Variants in KLRK1 observed in about 807,000 individuals in gnomAD.
KLRK1 encodes the protein NKG2-D type II integral membrane protein.
Under a neutral mutation model 31.3 loss-of-function variants are expected in KLRK1, and 40 were observed. The ratio of observed to expected loss-of-function variants is 1.28; its 90% CI spans 0.99 to 1.67. The LOEUF (loss-of-function observed/expected upper bound fraction) is 1.67. Among genes scored for constraint, KLRK1 ranks in the 40% most tolerant of loss-of-function variants. KLRK1 has a pLI of 0.00. For synonymous variants in KLRK1, 77 were observed against 77.3 expected (o/e 1.00, Z 0.02); for missense variants, 251 against 260.0 (o/e 0.97, Z 0.24).
In KLRK1 at chr12:10,373,229, A is replaced by G; in HGVS notation, c.536T>C (p.Leu179Pro). The G allele has an allele frequency of 6.4e-7, 1 of 1,574,154 alleles. No individual in the cohort carries two copies. Among genetic ancestry groups the G allele is most frequent in the Non-Finnish European group, 8.6e-7 (1 of 1,167,554 alleles). The change falls in exon 8 of 8, where the codon CTA (leucine) becomes CCA (proline). Residue 179 changes from leucine to proline, a missense_variant and splice_region_variant. Leu to Pro is a moderately conservative substitution (Grantham distance 98). Transcript: ENST00000240618. ...TCCCTTCTGCATTTCAATTATTGTT[A>G]GTCTAGAGGAGAGACAATTACAAAT... ...EDGSILSPNL[L>P]TIIEMQKGDC...
At chr12:10,385,944 A>G (rs771576125) in intron 3 of KLRK1, among the ~76,000 whole-genome samples, 4 of 151,696 alleles carry the variant, frequency 2.6e-5, no homozygotes, top group Non-Finnish European at 5.9e-5. Context: ...CATATTAAAA[A>G]TACATTTTAA....
intron 7 of KLRK1, among the ~76,000 whole-genome samples, chr12:10,377,603 TTGAC>T (rs1333782796): frequency 6.6e-6 from 1 of 152,088 alleles, no homozygotes; most frequent in Admixed American, 6.5e-5. Context: ...AGAAAACTGA[TTGAC>T]TGGAAAGAGA....
chr12:10,373,131 T>C lies in KLRK1; in HGVS notation c.634A>G (p.Met212Val). The C allele has an allele frequency of 6.2e-7, 1 of 1,612,700 alleles. No homozygotes were observed. The highest frequency in any genetic ancestry group is 8.5e-7 in the Non-Finnish European group (1 of 1,179,474). Residue 212 changes from methionine to valine, a missense_variant, in exon 8 of 8, where the codon ATG (methionine) becomes GTG (valine). Transcript: ENST00000240618. Reference sequence around the variant, plus strand: ...GATCATCTTTACACAGTCCTTTGCATGCAGATGTACGTATTTGGAGTTGAA... The same window carrying C: ...GATCATCTTTACACAGTCCTTTGCACGCAGATGTACGTATTTGGAGTTGAA... The part of the protein sequence containing the change: ...NCSTPNTYIC[M>V]QRTV
At chr12:10,385,985 ATTTT>A (rs5796391) in intron 3 of KLRK1, among the ~76,000 whole-genome samples, 1 of 146,896 alleles carries the variant, frequency 6.8e-6, no homozygotes, top group Non-Finnish European at 1.5e-5. Context: ...TATCCTATGA[ATTTT>A]TTTTTTTTTT....
At chr12:10,380,056 ATTGTTT>A (rs1863042229) in intron 3 of KLRK1, among the ~76,000 whole-genome samples, 1 of 98,482 alleles carries the variant, frequency 1.0e-5, no homozygotes, top group African/African-American at 3.7e-5. Context: ...TTTTGTTGTT[ATTGTTT>A]TTTTTTTTTT....
chr12:10,374,626 C>T (rs191749216), intron 7 of KLRK1, among the ~76,000 whole-genome samples: 5 of 148,844 alleles, frequency 3.4e-5, no homozygotes, highest in Admixed American at 3.3e-4. Context: ...AACTCCTGAC[C>T]TCAGGTCCTC....
intron 1 of KLRK1, chr12:10,389,100 A>C (rs1233297769): frequency 2.7e-6 from 1 of 367,198 alleles, no homozygotes; most frequent in Admixed American, 4.1e-5. Context: ...AATATAATGA[A>C]CCTATTAATT....
rs74060366 is a variant in KLRK1, at chr12:10,379,928, G to A, written c.149-136C>T. The A allele has an allele frequency of 2.5e-3, 1,697 of 679,178 alleles. 23 individuals carry two copies. In the African/African-American group the frequency reaches 0.027, roughly 11 times the overall value. 42.1% of individuals were successfully genotyped at this position (679,178 alleles called of 1,614,324 possible). On this transcript the variant is annotated intron_variant, in intron 3 of 7. Transcript: ENST00000240618. ...TTTTCTGCCTTAATAATTTTTTCCA[G>A]AACAGAACATAAATACCTCGCAAAT... is the stretch of plus-strand genomic sequence containing the variant.
intron 7 of KLRK1, among the ~76,000 whole-genome samples, chr12:10,374,351 A>G (rs1403911864): frequency 6.8e-6 from 1 of 146,734 alleles, no homozygotes; most frequent in Non-Finnish European, 1.5e-5. Flanking sequence ...TACTAGGTTC[A>G]GTCTACATTA....
At chr12:10,377,032 G>A (rs1862980767) in intron 7 of KLRK1, among the ~76,000 whole-genome samples, 1 of 152,104 alleles carries the variant, frequency 6.6e-6, no homozygotes, top group Non-Finnish European at 1.5e-5. Context: ...GGCCAGGTTG[G>A]TCTTGAACTC....
In KLRK1 at chr12:10,383,154, T is replaced by C. The variant is rs1863107408; in HGVS notation, c.149-3362A>G. 2.6e-5 allele frequency among the ~76,000 whole-genome samples: 4 copies of C among 151,972 alleles called. No homozygotes were observed. The South Asian group carries it at 6.2e-4, about 24-fold the overall frequency. On this transcript the variant is annotated intron_variant, in intron 3 of 7. Transcript: ENST00000240618. ...GCAATAGTAAGTTCTTACATACCAATAATAATATTAAATGCAAGGGGGCTA... is the reference window on the plus strand; with the variant it reads ...GCAATAGTAAGTTCTTACATACCAACAATAATATTAAATGCAAGGGGGCTA...
chr12:10,389,084 C>A, intron 1 of KLRK1: 3 of 429,538 alleles, frequency 7.0e-6, no homozygotes, highest in Non-Finnish European at 1.3e-5. Flanking sequence ...TTCAAAATGT[C>A]ATAACAATAT....
In KLRK1 at chr12:10,378,705, T is replaced by C. The variant is rs751543823; in HGVS notation, c.278A>G (p.Glu93Gly). ...FNQEVQIPLT[E>G]SYCGPCPKNW... ...TTTAGGACATGGGCCACAGTAACTT[T>C]CTGGAAAAGGAGAATATATTATTAA... is the stretch of plus-strand genomic sequence containing the variant. The change falls in exon 6 of 8, where the codon GAA (glutamate) becomes GGA (glycine). Residue 93 changes from glutamate (E) to glycine (G), a missense_variant and splice_region_variant. Transcript: ENST00000240618. The C allele has an allele frequency of 1.3e-6, 2 of 1,592,486 alleles. No homozygotes were observed. The highest frequency in any genetic ancestry group is 2.3e-5 in the South Asian group (2 of 87,068).
At chr12:10,378,094 A>T (rs948917403) in intron 7 of KLRK1, 38 bp downstream of exon 7, 3 of 1,582,192 alleles carry the variant, frequency 1.9e-6, no homozygotes, top group Non-Finnish European at 2.6e-6. Flanking sequence ...CTTAGGAAAA[A>T]AATTAAAAAG....
intron 3 of KLRK1, among the ~76,000 whole-genome samples, chr12:10,381,434 TATC>T (rs1489592143): frequency 1.3e-5 from 2 of 152,074 alleles, no homozygotes; most frequent in Non-Finnish European, 2.9e-5. Flanking sequence ...GGACAATATC[TATC>T]ATCATAAAAA....
rs1467537458 is a variant in KLRK1 at position 10,373,075 on chromosome 12, T to C, written c.*39A>G. 4 of 1,580,280 alleles carry C rather than the reference T, an allele frequency of 2.5e-6. No individual in the cohort carries two copies. Among genetic ancestry groups the C allele is most frequent in the Non-Finnish European group, 3.5e-6 (4 of 1,152,434 alleles). ...GCAGTGTTACCGCTGGTGTAATCTC[T>C]TCTCTGTTCCTGGCTTTTATTGAGA... On this transcript the variant is annotated 3_prime_UTR_variant, in exon 8 of 8. Coordinates refer to ENST00000240618, the MANE Select transcript of KLRK1 (RefSeq NM_007360.4).
At chr12:10,373,617 T>C (rs1032864687) in intron 7 of KLRK1, among the ~76,000 whole-genome samples, 3 of 152,254 alleles carry the variant, frequency 2.0e-5, no homozygotes, top group African/African-American at 7.2e-5. Context: ...TTCAGATATA[T>C]GCAATTTTAC....
At chr12:10,378,109 G>A in intron 7 of KLRK1, 23 bp downstream of exon 7, 1 of 1,593,854 alleles carries the variant, frequency 6.3e-7, no homozygotes, top group South Asian at 1.1e-5. Context: ...AAAAAGAAGA[G>A]ACTCATTGGG....
At chr12:10,384,914 G>A (rs925066930) in intron 3 of KLRK1, among the ~76,000 whole-genome samples, 10 of 151,876 alleles carry the variant, frequency 6.6e-5, no homozygotes, top group African/African-American at 2.4e-4. Flanking sequence ...AACAAAAACT[G>A]ATTTGAAAAT....
Sources: gnomAD v4.1 joint callset for allele counts (sites outside exome capture counted in the v4.1 genomes callset) on GRCh38, gnomAD v4.1.1 for gene constraint, MANE v1.5 for transcripts, NCBI Gene and HGNC (gene_info 2026-07-23, HGNC 2026-07-21) for gene names.